Variants in CRYBG1 observed in about 807,000 individuals in gnomAD.
CRYBG1 encodes the protein crystallin beta-gamma domain containing 1.
In CRYBG1, 139 loss-of-function variants were observed where a neutral mutation model predicts 189.2. The observed-to-expected ratio is 0.73, with a 90% CI of 0.64 to 0.85. The LOEUF is 0.85. Ranked by LOEUF, CRYBG1 falls within the 40% of genes least tolerant of loss-of-function variation. CRYBG1 has a pLI of 0.00. For synonymous variants in CRYBG1, 1,023 were observed against 1,017.1 expected (o/e 1.01, Z -0.11); for missense variants, 2,611 against 2,675.8 (o/e 0.98, Z 0.53).
chr6:106,415,955 C>T (rs751317169), intron 1 of CRYBG1, among the ~76,000 whole-genome samples: 7 of 152,184 alleles, frequency 4.6e-5, no homozygotes, highest in Middle Eastern at 3.4e-3. Context: ...GTGCCCAGTT[C>T]CCCTTGCTCG....
intron 1 of CRYBG1, among the ~76,000 whole-genome samples, chr6:106,404,641 C>G (rs552992251): frequency 2.0e-5 from 3 of 152,244 alleles, no homozygotes; most frequent in Non-Finnish European, 4.4e-5. Flanking sequence ...GTGAGATCAA[C>G]ACAGAAGGTG....
chr6:106,389,807 T>TA (rs1770466169), intron 1 of CRYBG1, among the ~76,000 whole-genome samples: 2 of 152,084 alleles, frequency 1.3e-5, no homozygotes, highest in African/African-American at 4.8e-5. Flanking sequence ...TTTTTGCATA[T>TA]GTTTTGGTTC....
intron 15 of CRYBG1, 89 bp downstream of exon 15, chr6:106,552,305 G>A: frequency 2.0e-6 from 2 of 995,402 alleles, no homozygotes; most frequent in Admixed American, 3.0e-5. Flanking sequence ...GACATTTGGG[G>A]CCGGGTGTGG....
chr6:106,548,831 G>A (rs1430214503), intron 13 of CRYBG1, among the ~76,000 whole-genome samples: 8 of 151,170 alleles, frequency 5.3e-5, no homozygotes, highest in Non-Finnish European at 8.8e-5. Context: ...CCATGTTGGT[G>A]TGCTGCACCC....
At chr6:106,487,768 A>G (rs977337944) in intron 2 of CRYBG1, among the ~76,000 whole-genome samples, 15 of 152,262 alleles carry the variant, frequency 9.9e-5, no homozygotes, top group African/African-American at 3.6e-4. Context: ...AGTTTCCTTA[A>G]GATCATCATT....
intron 1 of CRYBG1, among the ~76,000 whole-genome samples, chr6:106,419,368 C>T (rs1050420541): frequency 6.6e-6 from 1 of 152,176 alleles, no homozygotes; most frequent in African/African-American, 2.4e-5. Context: ...AAGAATAAAA[C>T]CTAACTCTTC....
chr6:106,458,585 T>G (rs779370106), intron 2 of CRYBG1, among the ~76,000 whole-genome samples: 1 of 152,158 alleles, frequency 6.6e-6, no homozygotes, highest in Non-Finnish European at 1.5e-5. Flanking sequence ...ATGAATGAAA[T>G]GCATATATTC....
chr6:106,513,185 C>G (rs1773340239), intron 3 of CRYBG1, 146 bp downstream of exon 3: 2 of 974,700 alleles, frequency 2.1e-6, no homozygotes, highest in African/African-American at 3.3e-5. Flanking sequence ...TAGTGAAGGG[C>G]CAGTTTACAC....
chr6:106,541,254 G>A (rs1270758493), intron 9 of CRYBG1: 2 of 505,798 alleles, frequency 4.0e-6, no homozygotes, highest in Non-Finnish European at 8.0e-6. Context: ...GGAGAATCTG[G>A]GTCCAGAGAT....
At chr6:106,446,187 G>C (rs11152991) in intron 1 of CRYBG1, among the ~76,000 whole-genome samples, 44,528 of 152,128 alleles carry the variant, frequency 0.29, 6,876 homozygotes, top group South Asian at 0.38. Context: ...AGGTTGCTCA[G>C]TAAATGGTTG....
At chr6:106,472,795 T>C (rs185740558) in intron 2 of CRYBG1, among the ~76,000 whole-genome samples, 2 of 151,206 alleles carry the variant, frequency 1.3e-5, no homozygotes, top group East Asian at 3.9e-4. Flanking sequence ...TCCCAGCTAC[T>C]CGGGAAGCTG....
chr6:106,534,391 G>A (rs73761863), intron 8 of CRYBG1, among the ~76,000 whole-genome samples: 2,941 of 152,110 alleles, frequency 0.019, 91 homozygotes, highest in African/African-American at 0.068. Context: ...TGGGCTCGTT[G>A]AACTTGGTTG....
chr6:106,368,477 T>C (rs182463423), intron 1 of CRYBG1, among the ~76,000 whole-genome samples: 57 of 152,320 alleles, frequency 3.7e-4, no homozygotes, highest in African/African-American at 1.3e-3. Flanking sequence ...GTTTTCAAGA[T>C]ACAGGATGTA....
At position 106,402,344 on chromosome 6, in the gene CRYBG1, A is replaced by G. The variant is rs1184586348; in HGVS notation, c.173+41263A>G. On this transcript the variant is annotated intron_variant, in intron 1 of 21. Coordinates refer to ENST00000633556, the MANE Select transcript of CRYBG1 (RefSeq NM_001371242.2). ...AAAAAGAGCCCGCATCACCAAGTCA[A>G]TCCTAAGCCAAAAGAACAAAGCTGG... Among the ~76,000 whole-genome samples the G allele has an allele frequency of 1.1e-4, 6 of 57,044 alleles. No homozygotes were observed. The Admixed American group carries it at 1.3e-3, about 13-fold the overall frequency. The allele number at this position is 57,044 out of a possible 152,430, so 37.4% of individuals were successfully genotyped here.
chr6:106,561,327 G>A lies in CRYBG1; in HGVS notation c.5980-15G>A, dbSNP rs371092541. 6.8e-6 allele frequency: 11 copies of A among 1,612,500 alleles called. No individual in the cohort carries two copies. Among genetic ancestry groups the A allele is most frequent in the Non-Finnish European group, 9.3e-6 (11 of 1,179,188 alleles). On this transcript the variant is annotated splice_polypyrimidine_tract_variant and intron_variant, in intron 19 of 21. Transcript: ENST00000633556. ...CACATCTGGTATAACAACTGCTGGG[G>A]GTTTTGTCTTCTAGAAGCGAATTTA... is the stretch of plus-strand genomic sequence containing the variant.
chr6:106,509,403 T>C (rs111274913), intron 2 of CRYBG1, among the ~76,000 whole-genome samples: 2,862 of 152,340 alleles, frequency 0.019, 98 homozygotes, highest in African/African-American at 0.065. Flanking sequence ...CCTTAAATCA[T>C]ACTTCGAATT....
chr6:106,463,559 T>C (rs1265455005), intron 2 of CRYBG1, among the ~76,000 whole-genome samples: 2 of 152,216 alleles, frequency 1.3e-5, no homozygotes, highest in Non-Finnish European at 2.9e-5. Flanking sequence ...TAAATATATG[T>C]GTTTGTATGT....
At chr6:106,546,636 G>A (rs936225398) in intron 13 of CRYBG1, among the ~76,000 whole-genome samples, 3 of 152,202 alleles carry the variant, frequency 2.0e-5, no homozygotes, top group Non-Finnish European at 4.4e-5. Context: ...TCCATTCTCA[G>A]CAGGAAATGC....
intron 2 of CRYBG1, among the ~76,000 whole-genome samples, chr6:106,493,790 C>T (rs548431174): frequency 2.0e-5 from 3 of 152,066 alleles, no homozygotes; most frequent in Non-Finnish European, 4.4e-5. Flanking sequence ...ACAACACACA[C>T]TGGGGCCTGT....
Sources: gnomAD v4.1 joint callset for allele counts (sites outside exome capture counted in the v4.1 genomes callset) on GRCh38, gnomAD v4.1.1 for gene constraint, MANE v1.5 for transcripts, NCBI Gene and HGNC (gene_info 2026-07-23, HGNC 2026-07-21) for gene names.